The following RANBP2 variants were observed in gnomAD, a reference collection of about 807,000 sequenced individuals.
The protein encoded by RANBP2 is RAN binding protein 2, also known as E3 SUMO-protein ligase RanBP2.
A neutral mutation model predicts 303.6 loss-of-function variants in RANBP2; 57 were observed. That is an observed-to-expected ratio of 0.19 (90% CI 0.15 to 0.23). The LOEUF (loss-of-function observed/expected upper bound fraction) is 0.23, where lower values mean the gene tolerates loss of function less well. Among genes scored for constraint, RANBP2 ranks in the 10% least tolerant of loss-of-function variants. RANBP2 has a pLI of 1.00. For missense variants in RANBP2, 3,138 were observed against 3,780.8 expected (o/e 0.83, Z 4.46); for synonymous variants, 1,167 against 1,301.5 (o/e 0.90, Z 2.23).
chr2:109,411,891 C>G, the RANBP2 span, among the ~76,000 whole-genome samples: 1 of 152,238 alleles, frequency 6.6e-6, no homozygotes, highest in Non-Finnish European at 1.5e-5. Context: ...TTTGCCATAT[C>G]AAGTGTCAGC....
chr2:109,058,463 C>T, the RANBP2 span, among the ~76,000 whole-genome samples: 8 of 152,222 alleles, frequency 5.3e-5, no homozygotes, highest in Non-Finnish European at 1.0e-4. Context: ...CTCGGCTCTC[C>T]TTCCTGAGAT....
chr2:109,140,871 G>A, the RANBP2 span, among the ~76,000 whole-genome samples: 3 of 152,282 alleles, frequency 2.0e-5, no homozygotes, highest in South Asian at 2.1e-4. Flanking sequence ...GGCCCCAGGG[G>A]TATCAGTTTT....
At chr2:109,413,768 C>A in the RANBP2 span, among the ~76,000 whole-genome samples, 1 of 152,198 alleles carries the variant, frequency 6.6e-6, no homozygotes, top group East Asian at 1.9e-4. Context: ...TTCTCTGTTA[C>A]TAACTATGGC....
At chr2:109,721,913 C>T in the RANBP2 span, among the ~76,000 whole-genome samples, 36 of 152,328 alleles carry the variant, frequency 2.4e-4, no homozygotes, top group Non-Finnish European at 4.7e-4. Context: ...GTGGTCTCCA[C>T]GGAGCCCACT....
At chr2:109,312,537 C>T in the RANBP2 span, among the ~76,000 whole-genome samples, 2 of 152,162 alleles carry the variant, frequency 1.3e-5, no homozygotes, top group Non-Finnish European at 2.9e-5. Context: ...CCGCTGGGCC[C>T]CTTCTTCCTG....
chr2:108,897,159 G>C, the RANBP2 span: 1 of 1,613,774 alleles, frequency 6.2e-7, no homozygotes. Context: ...CCTTCTCAGA[G>C]TTGTACGTGG....
the RANBP2 span, among the ~76,000 whole-genome samples, chr2:109,202,885 G>A: frequency 3.1e-4 from 47 of 152,350 alleles, no homozygotes; most frequent in African/African-American, 1.1e-3. Context: ...TGGCTGATTA[G>A]CACAGTTTTG....
chr2:109,292,088 C>T, the RANBP2 span, among the ~76,000 whole-genome samples: 4 of 152,226 alleles, frequency 2.6e-5, no homozygotes, highest in Non-Finnish European at 4.4e-5. Flanking sequence ...TGGTCTCGAT[C>T]TCCTGACCTC....
chr2:109,329,320 A>G, the RANBP2 span, among the ~76,000 whole-genome samples: 6 of 152,224 alleles, frequency 3.9e-5, no homozygotes, highest in African/African-American at 1.4e-4. Flanking sequence ...AACACAACTC[A>G]TGAGAGGAAA....
the RANBP2 span, among the ~76,000 whole-genome samples, chr2:109,723,962 G>C: frequency 2.0e-5 from 3 of 152,114 alleles, no homozygotes; most frequent in Admixed American, 6.6e-5. Context: ...TAACAAAGGG[G>C]CCCAGTTTCA....
At chr2:108,992,550 ACATATAATTGGTTT>A in the RANBP2 span, among the ~76,000 whole-genome samples, 5 of 152,214 alleles carry the variant, frequency 3.3e-5, no homozygotes, top group Non-Finnish European at 7.3e-5. Flanking sequence ...CTGGGCCCTG[ACATATAATTGGTTT>A]CACCTAACAA....
the RANBP2 span, among the ~76,000 whole-genome samples, chr2:109,483,377 G>A: frequency 6.6e-6 from 1 of 152,140 alleles, no homozygotes; most frequent in African/African-American, 2.4e-5. Context: ...CCAGGTTCCA[G>A]CCTCACTCAC....
chr2:109,047,534 C>T, the RANBP2 span, among the ~76,000 whole-genome samples: 1 of 152,070 alleles, frequency 6.6e-6, no homozygotes, highest in Non-Finnish European at 1.5e-5. Flanking sequence ...GTGGACCGGG[C>T]ACGTTGGCTC....
At chr2:108,953,844 G>A in the RANBP2 span, among the ~76,000 whole-genome samples, 1 of 152,170 alleles carries the variant, frequency 6.6e-6, no homozygotes, top group Non-Finnish European at 1.5e-5. Context: ...AACACCATTT[G>A]TGTGCCCAAG....
the RANBP2 span, among the ~76,000 whole-genome samples, chr2:108,842,031 T>C: frequency 6.6e-6 from 1 of 151,990 alleles, no homozygotes; most frequent in Non-Finnish European, 1.5e-5. Context: ...TTCTTGTTTG[T>C]TTGTTTGTTT....
chr2:109,013,831 C>G, the RANBP2 span, among the ~76,000 whole-genome samples: 4 of 152,182 alleles, frequency 2.6e-5, no homozygotes, highest in Admixed American at 2.6e-4. Context: ...CCCACCTCAG[C>G]CTCCCAAAGT....
downstream of RANBP2, among the ~76,000 whole-genome samples, chr2:108,787,543 A>G (rs1334650384): frequency 6.6e-6 from 1 of 152,226 alleles, no homozygotes; most frequent in Admixed American, 6.5e-5. Flanking sequence ...AATATTTGGT[A>G]ATCTAGAGTT....
At chr2:108,915,400 A>G in the RANBP2 span, among the ~76,000 whole-genome samples, 4 of 152,210 alleles carry the variant, frequency 2.6e-5, no homozygotes, top group Non-Finnish European at 5.9e-5. Context: ...AGCTTGGCCA[A>G]TGAAACATTG....
chr2:109,615,705 G>A, the RANBP2 span: 10 of 1,613,614 alleles, frequency 6.2e-6, no homozygotes, highest in African/African-American at 1.3e-5. Context: ...GGAAAGCGCC[G>A]CGGGTAGCGG....
Sources: gnomAD v4.1 joint callset for allele counts (sites outside exome capture counted in the v4.1 genomes callset) on GRCh38, gnomAD v4.1.1 for gene constraint, MANE v1.5 for transcripts, NCBI Gene and HGNC (gene_info 2026-07-23, HGNC 2026-07-21) for gene names.